The following CYYR1 variants were observed in gnomAD, a reference collection of about 807,000 sequenced individuals.
The protein encoded by CYYR1 is cysteine and tyrosine-rich protein 1.
A neutral mutation model predicts 15.2 loss-of-function variants in CYYR1; 14 were observed. The observed-to-expected ratio is 0.92, with a 90% CI of 0.61 to 1.44. The LOEUF (loss-of-function observed/expected upper bound fraction) is 1.44, where lower values mean the gene tolerates loss of function less well. Among genes scored for constraint, CYYR1 ranks in the 40% most tolerant of loss-of-function variants. The pLI is 0.00. For synonymous variants in CYYR1, 80 were observed against 77.4 expected (o/e 1.03, Z -0.18); for missense variants, 228 against 209.5 (o/e 1.09, Z -0.54).
At chr21:26,468,898 C>T (rs1272060258) in intron 3 of CYYR1, among the ~76,000 whole-genome samples, 1 of 151,980 alleles carries the variant, frequency 6.6e-6, no homozygotes, top group Non-Finnish European at 1.5e-5. Context: ...AGGTGAGGGA[C>T]AATTCAGGTT....
intron 2 of CYYR1, among the ~76,000 whole-genome samples, chr21:26,539,096 C>T (rs948184776): frequency 6.6e-6 from 1 of 152,078 alleles, no homozygotes; most frequent in African/African-American, 2.4e-5. Flanking sequence ...TATACTACGA[C>T]GGTTTGTTGC....
intron 2 of CYYR1, among the ~76,000 whole-genome samples, chr21:26,554,483 A>G (rs1354514715): frequency 6.6e-6 from 1 of 152,156 alleles, no homozygotes; most frequent in Admixed American, 6.5e-5. Flanking sequence ...TTCAGGCAGT[A>G]TTATGCCTTC....
At chr21:26,525,445 C>T (rs911500544) in intron 2 of CYYR1, among the ~76,000 whole-genome samples, 20 of 152,140 alleles carry the variant, frequency 1.3e-4, no homozygotes, top group Admixed American at 9.2e-4. Context: ...GAGGGCCTCC[C>T]GCCTTGAGCT....
At chr21:26,473,456 A>T (rs2065061398) in intron 3 of CYYR1, among the ~76,000 whole-genome samples, 1 of 152,138 alleles carries the variant, frequency 6.6e-6, no homozygotes, top group Non-Finnish European at 1.5e-5. Context: ...GACAAATTCC[A>T]TCAAGCCTCA....
At chr21:26,553,955 G>A (rs1979583176) in intron 2 of CYYR1, among the ~76,000 whole-genome samples, 2 of 152,310 alleles carry the variant, frequency 1.3e-5, no homozygotes, top group Non-Finnish European at 2.9e-5. Context: ...TATTTGGCAT[G>A]CCATCTGGCA....
At chr21:26,479,981 G>A (rs567461782) in intron 3 of CYYR1, among the ~76,000 whole-genome samples, 26 of 152,238 alleles carry the variant, frequency 1.7e-4, no homozygotes, top group African/African-American at 6.0e-4. Flanking sequence ...TCACTAGCAG[G>A]TAGACACAGT....
intron 2 of CYYR1, among the ~76,000 whole-genome samples, chr21:26,505,912 C>A (rs1272589387): frequency 6.6e-6 from 1 of 152,162 alleles, no homozygotes; most frequent in African/African-American, 2.4e-5. Flanking sequence ...CAAAGTACTG[C>A]CCCACTTTGA....
chr21:26,494,912 T>C (rs997708719), intron 2 of CYYR1, among the ~76,000 whole-genome samples: 41 of 152,200 alleles, frequency 2.7e-4, no homozygotes, highest in African/African-American at 9.4e-4. Flanking sequence ...AGAAGATTTA[T>C]GCCAGGGTTG....
intron 2 of CYYR1, among the ~76,000 whole-genome samples, chr21:26,565,528 T>C (rs1980551840): frequency 2.0e-5 from 3 of 152,190 alleles, no homozygotes; most frequent in Admixed American, 2.0e-4. Context: ...CAGTTGTGGG[T>C]TCCTCTCTTG....
intron 2 of CYYR1, chr21:26,551,064 C>T (rs915906047): frequency 2.0e-5 from 3 of 152,674 alleles, no homozygotes; most frequent in Non-Finnish European, 4.4e-5. Flanking sequence ...ATTCTGAAAA[C>T]TTAAGGATCC....
At chr21:26,509,138 A>C (rs145393454) in intron 2 of CYYR1, among the ~76,000 whole-genome samples, 91 of 152,276 alleles carry the variant, frequency 6.0e-4, no homozygotes, top group African/African-American at 2.1e-3. Context: ...AAACCCCTCC[A>C]TGATATGCCT....
At chr21:26,471,009 CA>C (rs2065026224) in intron 3 of CYYR1, 2 of 152,150 alleles carry the variant, frequency 1.3e-5, no homozygotes, top group Non-Finnish European at 2.9e-5. Context: ...ACAGTTTCCC[CA>C]GTGCTCCCTC....
intron 2 of CYYR1, among the ~76,000 whole-genome samples, chr21:26,539,414 G>A (rs1978391286): frequency 1.3e-5 from 2 of 152,160 alleles, no homozygotes; most frequent in Admixed American, 1.3e-4. Context: ...TTTATTTGCT[G>A]TCTTCCAAAT....
intron 2 of CYYR1, among the ~76,000 whole-genome samples, chr21:26,488,921 G>T (rs1340829666): frequency 6.6e-6 from 1 of 152,076 alleles, no homozygotes; most frequent in Non-Finnish European, 1.5e-5. Context: ...AATTATTAAA[G>T]TCTCTGTTAT....
chr21:26,525,500 C>A (rs2123579057), intron 2 of CYYR1, among the ~76,000 whole-genome samples: 1 of 152,304 alleles, frequency 6.6e-6, no homozygotes, highest in East Asian at 1.9e-4. Flanking sequence ...CGCCTTCCTT[C>A]CCCAGAGGCT....
At chr21:26,545,204 T>C (rs1026325429) in intron 2 of CYYR1, among the ~76,000 whole-genome samples, 11 of 152,220 alleles carry the variant, frequency 7.2e-5, no homozygotes, top group African/African-American at 2.7e-4. Flanking sequence ...TTGAACTATC[T>C]TATTTTTAAG....
chr21:26,482,818 TTTTC>T (rs537217843), intron 2 of CYYR1, among the ~76,000 whole-genome samples: 109 of 152,216 alleles, frequency 7.2e-4, no homozygotes, highest in Non-Finnish European at 1.1e-3. Flanking sequence ...CCGTTTTTTC[TTTTC>T]TTTCTTTCTG....
intron 2 of CYYR1, among the ~76,000 whole-genome samples, chr21:26,552,434 C>T (rs1262266128): frequency 1.3e-5 from 2 of 151,976 alleles, no homozygotes; most frequent in Non-Finnish European, 2.9e-5. Flanking sequence ...GAACAAAATC[C>T]ATTTGCTGTT....
intron 2 of CYYR1, among the ~76,000 whole-genome samples, chr21:26,513,275 T>C (rs1305506666): frequency 6.6e-6 from 1 of 152,210 alleles, no homozygotes; most frequent in Non-Finnish European, 1.5e-5. Flanking sequence ...TTGCCTACTA[T>C]CTTATATGAT....
Sources: allele counts gnomAD v4.1 joint callset (sites outside exome capture counted in the v4.1 genomes callset), GRCh38; gene constraint gnomAD v4.1.1; transcripts MANE v1.5; gene names NCBI Gene and HGNC (gene_info 2026-07-23, HGNC 2026-07-21).